Variants in PLCG2 observed in about 807,000 individuals in gnomAD.
The protein encoded by PLCG2 is phospholipase C gamma 2.
A neutral mutation model predicts 175.6 loss-of-function variants in PLCG2; 69 were observed. That is an observed-to-expected ratio of 0.39 (90% CI 0.32 to 0.48). The LOEUF (loss-of-function observed/expected upper bound fraction) is 0.48, where lower values mean the gene tolerates loss of function less well. PLCG2 is among the 20% of genes least tolerant of loss of function. PLCG2 has a pLI of 0.91. For synonymous variants in PLCG2, 827 were observed against 624.0 expected, an observed-to-expected ratio of 1.33 and a Z score of -4.85; for missense variants, 1,798 against 1,650.9, an observed-to-expected ratio of 1.09 and a Z score of -1.54.
intron 2 of PLCG2, chr16:81,842,861 C>G (rs1905909053): frequency 6.6e-6 from 1 of 151,430 alleles, no homozygotes; most frequent in Non-Finnish European, 1.5e-5. Context: ...CAAGGCTGTG[C>G]CAGAAGGTGA....
intron 28 of PLCG2, chr16:81,938,595 C>A: frequency 1.7e-6 from 1 of 571,742 alleles, no homozygotes; most frequent in South Asian, 2.2e-5. Flanking sequence ...GGGCCGAGAC[C>A]CAGGCTGATG....
At chr16:81,772,599 C>T (rs1194763844) in intron 2 of PLCG2, among the ~76,000 whole-genome samples, 1 of 149,120 alleles carries the variant, frequency 6.7e-6, no homozygotes, top group Non-Finnish European at 1.5e-5. Context: ...CACCTGAGGT[C>T]AGGAGTTCAA....
At chr16:81,835,792 C>G (rs1247476695) in intron 2 of PLCG2, among the ~76,000 whole-genome samples, 3 of 152,112 alleles carry the variant, frequency 2.0e-5, no homozygotes, top group Admixed American at 2.0e-4. Flanking sequence ...GCTGGAGGCT[C>G]TAGGGGAGGA....
At chr16:81,933,569 G>GT (rs1265366204) in intron 25 of PLCG2, among the ~76,000 whole-genome samples, 2 of 149,470 alleles carry the variant, frequency 1.3e-5, no homozygotes, top group East Asian at 1.9e-4. Context: ...TTGTCATGCT[G>GT]TTTTTTGTTT....
intron 2 of PLCG2, among the ~76,000 whole-genome samples, chr16:81,841,943 G>A (rs972162139): frequency 1.3e-5 from 2 of 152,238 alleles, no homozygotes; most frequent in African/African-American, 4.8e-5. Flanking sequence ...AGCTGGTGTT[G>A]CAAGGTGGTA....
intron 2 of PLCG2, among the ~76,000 whole-genome samples, chr16:81,792,462 CA>C (rs1205660522): frequency 1.8e-5 from 2 of 109,474 alleles, no homozygotes; most frequent in Admixed American, 2.4e-4. Flanking sequence ...GCCTGGGTGA[CA>C]GAGCAAGGCT....
intron 1 of PLCG2, among the ~76,000 whole-genome samples, chr16:81,742,648 C>T (rs769276212): frequency 4.6e-5 from 7 of 152,192 alleles, no homozygotes; most frequent in Non-Finnish European, 8.8e-5. Flanking sequence ...CATCCCACTG[C>T]TTTCAGGGAG....
At chr16:81,773,200 G>A (rs759338884) in intron 2 of PLCG2, among the ~76,000 whole-genome samples, 37 of 152,212 alleles carry the variant, frequency 2.4e-4, no homozygotes, top group African/African-American at 7.7e-4. Flanking sequence ...ACTCTTTTCA[G>A]TCTCTTCCCT....
chr16:81,806,519 G>T (rs1162090168), intron 2 of PLCG2, among the ~76,000 whole-genome samples: 2 of 152,088 alleles, frequency 1.3e-5, no homozygotes, highest in African/African-American at 4.8e-5. Flanking sequence ...GGTTGCTTTT[G>T]ACCCAGGCAG....
chr16:81,848,832 T>C (rs1906256248), intron 2 of PLCG2, among the ~76,000 whole-genome samples: 2 of 152,158 alleles, frequency 1.3e-5, no homozygotes, highest in South Asian at 4.1e-4. Context: ...ACAGATTCCA[T>C]CTAATACATA....
chr16:81,950,118 T>C (rs1034944691), intron 31 of PLCG2, among the ~76,000 whole-genome samples: 4 of 152,160 alleles, frequency 2.6e-5, no homozygotes, highest in South Asian at 2.1e-4. Flanking sequence ...TGTGTAGTAA[T>C]TGAAGTGAAA....
At chr16:81,863,805 T>TC (rs1227874311) in intron 5 of PLCG2, among the ~76,000 whole-genome samples, 2 of 152,226 alleles carry the variant, frequency 1.3e-5, no homozygotes, top group Non-Finnish European at 2.9e-5. Context: ...CTTCCCTTTG[T>TC]CCTTTAGCCC....
At chr16:81,778,073 C>CAAAACAAA (rs1567458028), upstream of PLCG2, among the ~76,000 whole-genome samples, 137 of 72,042 alleles carry the variant, frequency 1.9e-3, 18 homozygotes, top group Middle Eastern at 7.2e-3. Context: ...ACCAAAAACA[C>CAAAACAAA]ACACACACAA....
At position 81,750,663 on chromosome 16, in the gene PLCG2, A is replaced by ATTTTTTTTTTTTTTTTTTTTTTTTTTT. The variant is rs543220131; in HGVS notation, c.-144-5185_-144-5184insTTTTTTTTTTTTTTTTTTTTTTTTTTT. On this transcript the variant is annotated intron_variant, in intron 1 of 5. Coordinates refer to the PLCG2 transcript ENST00000565054. ...TTAAAAAGCAGAATGGGGACTGGAGATTTTTTTTTTTTTTTTTTTTTTGAG... is the reference window on the plus strand; with the variant it reads ...TTAAAAAGCAGAATGGGGACTGGAGATTTTTTTTTTTTTTTTTTTTTTTTTTTTTTTTTTTTTTTTTTTTTTTTTGAG... Among the ~76,000 whole-genome samples the ATTTTTTTTTTTTTTTTTTTTTTTTTTT allele has an allele frequency of 2.3e-4, 16 of 68,462 alleles. 6 individuals carry two copies. The highest frequency in any genetic ancestry group is 6.0e-4 in the African/African-American group (12 of 19,860). The allele number at this position is 68,462 out of a possible 152,430, so 44.9% of individuals were successfully genotyped here.
chr16:81,889,393 C>G (rs2143595726), intron 10 of PLCG2, 120 bp downstream of exon 10: 3 of 632,294 alleles, frequency 4.7e-6, no homozygotes, highest in East Asian at 2.8e-5. Context: ...GTTGCCTCGA[C>G]TGACTGGTTA....
At chr16:81,881,441 C>T (rs1908075164) in intron 8 of PLCG2, among the ~76,000 whole-genome samples, 1 of 152,208 alleles carries the variant, frequency 6.6e-6, no homozygotes, top group Non-Finnish European at 1.5e-5. Flanking sequence ...AGGACATTCA[C>T]TGTGCCTCAT....
chr16:81,901,395 A>G (rs187953681), intron 14 of PLCG2, among the ~76,000 whole-genome samples: 1 of 152,194 alleles, frequency 6.6e-6, no homozygotes, highest in Non-Finnish European at 1.5e-5. Flanking sequence ...TAAAGCACAG[A>G]AGAGTTTATT....
chr16:81,831,449 T>G (rs532186914), intron 2 of PLCG2, among the ~76,000 whole-genome samples: 3 of 152,356 alleles, frequency 2.0e-5, no homozygotes, highest in African/African-American at 7.2e-5. Flanking sequence ...GCCATGAACT[T>G]GGTCTCCTTA....
At chr16:81,781,997 G>C (rs559602870) in intron 1 of PLCG2, among the ~76,000 whole-genome samples, 3 of 151,840 alleles carry the variant, frequency 2.0e-5, no homozygotes, top group African/African-American at 4.8e-5. Flanking sequence ...TCAGCCTCAC[G>C]AGTAGCTGGG....
Sources: gnomAD v4.1 joint callset for allele counts (sites outside exome capture counted in the v4.1 genomes callset) on GRCh38, gnomAD v4.1.1 for gene constraint, MANE v1.5 for transcripts, NCBI Gene and HGNC (gene_info 2026-07-23, HGNC 2026-07-21) for gene names.